CCDC141: variants seen among roughly 807,000 people sequenced by gnomAD.
CCDC141 encodes the protein coiled-coil domain-containing protein 141.
A neutral mutation model predicts 181.0 loss-of-function variants in CCDC141; 168 were observed. The ratio of observed to expected loss-of-function variants is 0.93; its 90% CI spans 0.82 to 1.05. The LOEUF is 1.05. CCDC141 is among the 50% of genes least tolerant of loss of function. CCDC141 has a pLI of 0.00. For synonymous variants in CCDC141, 666 were observed against 642.3 expected, an observed-to-expected ratio of 1.04 and a Z score of -0.56; for missense variants, 1,902 against 1,788.5, an observed-to-expected ratio of 1.06 and a Z score of -1.14.
chr2:178,817,760 A>ATT, the CCDC141 span: 3 of 274,254 alleles, frequency 1.1e-5, no homozygotes, highest in Admixed American at 1.4e-4. Flanking sequence ...TCTCTTTTCT[A>ATT]TTTCTCTCTC....
At chr2:178,934,497 T>G (rs1000390417) in intron 6 of CCDC141, among the ~76,000 whole-genome samples, 3 of 152,120 alleles carry the variant, frequency 2.0e-5, no homozygotes, top group Non-Finnish European at 2.9e-5. Context: ...CTCTTATATA[T>G]GCAAAAGAAA....
At chr2:178,857,266 C>T (rs1685428790) in intron 17 of CCDC141, among the ~76,000 whole-genome samples, 1 of 152,136 alleles carries the variant, frequency 6.6e-6, no homozygotes, top group South Asian at 2.1e-4. Flanking sequence ...GACATTTAGA[C>T]CAGCCAGGAC....
chr2:178,906,862 T>C (rs538137014), intron 7 of CCDC141, among the ~76,000 whole-genome samples: 1 of 152,108 alleles, frequency 6.6e-6, no homozygotes, highest in South Asian at 2.1e-4. Flanking sequence ...GTCATGGAGG[T>C]ACACAAATGC....
intron 2 of CCDC141, among the ~76,000 whole-genome samples, chr2:178,997,075 T>G (rs1692321100): frequency 1.3e-5 from 2 of 152,210 alleles, no homozygotes; most frequent in South Asian, 4.2e-4. Context: ...CCAGTTAAAG[T>G]GTGCCTCCTA....
At chr2:179,013,816 G>A (rs1243627257) in intron 2 of CCDC141, among the ~76,000 whole-genome samples, 1 of 151,762 alleles carries the variant, frequency 6.6e-6, no homozygotes, top group Admixed American at 6.6e-5. Flanking sequence ...AAATTAGCCA[G>A]GTGTGGTGGC....
chr2:178,858,906 TA>T (rs1685494022), intron 17 of CCDC141, among the ~76,000 whole-genome samples: 1 of 152,146 alleles, frequency 6.6e-6, no homozygotes, highest in African/African-American at 2.4e-5. Context: ...ACCTATATGA[TA>T]GAGAAAGGCT....
intron 4 of CCDC141, among the ~76,000 whole-genome samples, chr2:178,966,773 C>T (rs1016646741): frequency 6.6e-6 from 1 of 151,882 alleles, no homozygotes; most frequent in Non-Finnish European, 1.5e-5. Flanking sequence ...AAGAAGTAGG[C>T]TTCAGAAGGT....
At chr2:178,976,948 C>G (rs1374797558) in intron 3 of CCDC141, among the ~76,000 whole-genome samples, 3 of 152,088 alleles carry the variant, frequency 2.0e-5, no homozygotes, top group Non-Finnish European at 4.4e-5. Flanking sequence ...ATGCTTTACT[C>G]AGAAAAAGTT....
intron 2 of CCDC141, among the ~76,000 whole-genome samples, chr2:178,980,071 A>C (rs1381971874): frequency 1.3e-5 from 2 of 152,218 alleles, no homozygotes; most frequent in African/African-American, 4.8e-5. Flanking sequence ...GTTAGATTAA[A>C]ATATTAGAAC....
chr2:178,852,549 T>C (rs1317586718), intron 20 of CCDC141, among the ~76,000 whole-genome samples: 1 of 152,240 alleles, frequency 6.6e-6, no homozygotes, highest in Non-Finnish European at 1.5e-5. Flanking sequence ...TTCTGGAATA[T>C]TATGAATAAT....
intron 4 of CCDC141, among the ~76,000 whole-genome samples, chr2:178,971,665 C>A (rs1690893591): frequency 6.6e-6 from 1 of 152,126 alleles, no homozygotes; most frequent in South Asian, 2.1e-4. Flanking sequence ...AGACTTGGAA[C>A]CAACCCAAAT....
chr2:178,945,866 C>CAT (rs1689711399), intron 5 of CCDC141, among the ~76,000 whole-genome samples: 1 of 151,666 alleles, frequency 6.6e-6, no homozygotes, highest in Non-Finnish European at 1.5e-5. Flanking sequence ...CACACACACA[C>CAT]ACACACACAC....
intron 8 of CCDC141, among the ~76,000 whole-genome samples, chr2:178,902,678 T>C (rs903133677): frequency 2.6e-5 from 4 of 151,634 alleles, no homozygotes; most frequent in African/African-American, 9.7e-5. Flanking sequence ...GGCATTACCA[T>C]TCAGGACATA....
chr2:178,843,331 C>T (rs894534523), intron 22 of CCDC141, among the ~76,000 whole-genome samples: 14 of 152,146 alleles, frequency 9.2e-5, no homozygotes, highest in African/African-American at 3.4e-4. Context: ...TTGATTAAAT[C>T]CCTTCTAGCA....
chr2:179,006,634 G>C (rs140148917), intron 2 of CCDC141, among the ~76,000 whole-genome samples: 4 of 152,134 alleles, frequency 2.6e-5, no homozygotes, highest in Non-Finnish European at 4.4e-5. Flanking sequence ...TAACTTTTTT[G>C]TCTAACACAT....
rs1255904858 is a variant in CCDC141, at chr2:178,834,167, C to T, written c.*6G>A. The T allele has an allele frequency of 6.5e-7, 1 of 1,533,500 alleles. No individual in the cohort carries two copies. Among genetic ancestry groups the T allele is most frequent in the African/African-American group, 1.4e-5 (1 of 72,972 alleles). 95.0% of individuals were successfully genotyped at this position (1,533,500 alleles called of 1,614,324 possible). On this transcript the variant is annotated 3_prime_UTR_variant, in exon 24 of 24. Coordinates refer to ENST00000443758, the MANE Select transcript of CCDC141 (RefSeq NM_173648.4). ...AGAATGATGTCCATTGGTGCCAACACCACAGTTATTGTGTGAGGAGCCAGT... is the reference window on the plus strand; with the variant it reads ...AGAATGATGTCCATTGGTGCCAACATCACAGTTATTGTGTGAGGAGCCAGT...
intron 5 of CCDC141, among the ~76,000 whole-genome samples, chr2:178,952,003 T>C (rs903598175): frequency 1.3e-5 from 2 of 152,134 alleles, no homozygotes; most frequent in African/African-American, 2.4e-5. Context: ...TTAATGAAAA[T>C]GTAATCAACT....
chr2:178,873,313 G>A (rs974541791), intron 12 of CCDC141: 1 of 151,802 alleles, frequency 6.6e-6, no homozygotes, highest in Non-Finnish European at 1.5e-5. Flanking sequence ...ATATATATCT[G>A]TAGGTCCTAA....
At chr2:178,975,196 G>T (rs1486937601) in intron 3 of CCDC141, 31 bp from the exon 4 acceptor site, 1 of 1,161,312 alleles carries the variant, frequency 8.6e-7, no homozygotes, top group South Asian at 1.6e-5. Flanking sequence ...AAAGACATTT[G>T]ACATTTGTAT....
Sources: allele counts gnomAD v4.1 joint callset (sites outside exome capture counted in the v4.1 genomes callset), GRCh38; gene constraint gnomAD v4.1.1; transcripts MANE v1.5; gene names NCBI Gene and HGNC (gene_info 2026-07-23, HGNC 2026-07-21).